SAE1: variants seen among roughly 807,000 people sequenced by gnomAD.
The protein encoded by SAE1 is SUMO1 activating enzyme subunit 1.
SAE1 carries 11 observed loss-of-function variants against 40.6 expected under a neutral mutation model. The ratio of observed to expected loss-of-function variants is 0.27; its 90% CI spans 0.17 to 0.45. The LOEUF is 0.45. SAE1 is among the 20% of genes least tolerant of loss of function. SAE1 has a pLI of 1.00. For missense variants in SAE1, 373 were observed against 427.3 expected (o/e 0.87, Z 1.12); for synonymous variants, 155 against 154.3 (o/e 1.00, Z -0.03).
At position 47,209,662 on chromosome 19, in the gene SAE1, C is replaced by T. The variant is rs189645634; in HGVS notation, c.*411C>T. 2.3e-5 allele frequency: 5 copies of T among 218,046 alleles called. No homozygotes were observed. The East Asian group carries it at 5.5e-4, about 24-fold the overall frequency. 13.5% of individuals were successfully genotyped at this position (218,046 alleles called of 1,614,324 possible). A position where few individuals can be genotyped will look rare whatever the true frequency, so the allele number is the denominator to read the frequency against. On this transcript the variant is annotated 3_prime_UTR_variant, in exon 9 of 9. Coordinates refer to ENST00000270225, the MANE Select transcript of SAE1 (RefSeq NM_005500.3). Reference sequence around the variant, plus strand: ...CTCTTGTCACCTTCTTGGACTTATTCCCCACCTGATACCTTATAGAGAAAA... The same window carrying T: ...CTCTTGTCACCTTCTTGGACTTATTTCCCACCTGATACCTTATAGAGAAAA...
intron 1 of SAE1, chr19:47,142,373 G>C (rs891150010): frequency 2.8e-5 from 4 of 145,120 alleles, no homozygotes; most frequent in African/African-American, 1.0e-4. Context: ...AACAGAGCGA[G>C]ACTCTGTCTT....
chr19:47,139,129 T>C (rs1472119127), intron 1 of SAE1, among the ~76,000 whole-genome samples: 1 of 152,124 alleles, frequency 6.6e-6, no homozygotes, highest in Non-Finnish European at 1.5e-5. Flanking sequence ...TTTTTGTATT[T>C]TGAGTAGAGA....
chr19:47,186,708 G>C (rs1050115623), intron 6 of SAE1, among the ~76,000 whole-genome samples: 1 of 152,134 alleles, frequency 6.6e-6, no homozygotes, highest in African/African-American at 2.4e-5. Context: ...TGCAAATAGC[G>C]AGGCACAGCT....
chr19:47,202,688 C>A (rs867566995), intron 7 of SAE1, among the ~76,000 whole-genome samples: 2 of 150,990 alleles, frequency 1.3e-5, no homozygotes, highest in Non-Finnish European at 3.0e-5. Context: ...CCGAGGCGGG[C>A]GGATCACGAG....
chr19:47,189,734 C>T (rs1465204598), intron 6 of SAE1, among the ~76,000 whole-genome samples: 1 of 152,100 alleles, frequency 6.6e-6, no homozygotes, highest in Non-Finnish European at 1.5e-5. Context: ...CACAATTGAA[C>T]TGTTTTTGGG....
intron 6 of SAE1, among the ~76,000 whole-genome samples, chr19:47,181,476 C>CTTTTTTTTTTTTTTTTTTTTTTT (rs202245801): frequency 1.0e-5 from 1 of 99,726 alleles, no homozygotes; most frequent in Non-Finnish European, 1.9e-5. Context: ...TTTTCTTTTC[C>CTTTTTTTTTTTTTTTTTTTTTTT]TTTTTTTTTT....
intron 1 of SAE1, among the ~76,000 whole-genome samples, chr19:47,132,789 G>C (rs547191201): frequency 6.6e-6 from 1 of 151,864 alleles, no homozygotes; most frequent in South Asian, 2.1e-4. Context: ...TCAGGAGACT[G>C]AGGTGGGAGC....
Position 47,162,256 on chromosome 19 carries a change from TATGCTCATA to T in SAE1, c.627+7046_627+7054del, listed in dbSNP as rs1246077465. ...ATTTTTCTATTTATAAGCATTTGGGTATGCTCATAATTTGCTGTTACAAATTGTGCTGCA... is the reference window on the plus strand; with the variant it reads ...ATTTTTCTATTTATAAGCATTTGGGTATTTGCTGTTACAAATTGTGCTGCA... On this transcript the variant is annotated intron_variant, in intron 5 of 8. Transcript: ENST00000270225. 4.6e-5 allele frequency among the ~76,000 whole-genome samples: 7 copies of T among 152,366 alleles called. No individual in the cohort carries two copies. The East Asian group carries it at 1.2e-3, about 25-fold the overall frequency.
intron 6 of SAE1, among the ~76,000 whole-genome samples, chr19:47,184,781 T>TTTTTGTTTTTG (rs1203942554): frequency 2.0e-5 from 3 of 148,628 alleles, no homozygotes; most frequent in African/African-American, 5.1e-5. Context: ...TGTGGGGTTT[T>TTTTTGTTTTTG]TTTTGTTTTT....
chr19:47,146,317 G>A (rs959083652), intron 2 of SAE1, among the ~76,000 whole-genome samples: 2 of 152,120 alleles, frequency 1.3e-5, no homozygotes, highest in African/African-American at 4.8e-5. Context: ...TTAGCTTTGG[G>A]CTTTATGTGT....
At chr19:47,150,134 A>G (rs897627267) in intron 2 of SAE1, 68 bp from the exon 3 acceptor site, 8 of 1,193,470 alleles carry the variant, frequency 6.7e-6, no homozygotes, top group African/African-American at 1.6e-5. Flanking sequence ...TTAAAATTTA[A>G]AGATTCTTTT....
At chr19:47,155,047 C>A (rs1277876365) in intron 4 of SAE1, 67 bp from the exon 5 acceptor site, 2 of 1,020,250 alleles carry the variant, frequency 2.0e-6, no homozygotes, top group African/African-American at 3.2e-5. Flanking sequence ...CCTGGAGAGG[C>A]TTTTTTTGAT....
intron 1 of SAE1, among the ~76,000 whole-genome samples, chr19:47,138,754 T>C (rs2058198295): frequency 6.6e-6 from 1 of 152,100 alleles, no homozygotes; most frequent in Non-Finnish European, 1.5e-5. Flanking sequence ...AGGCTGAGGT[T>C]GGAGGATCAC....
chr19:47,165,596 G>T (rs1041051866), intron 5 of SAE1, among the ~76,000 whole-genome samples: 1 of 152,200 alleles, frequency 6.6e-6, no homozygotes, highest in Non-Finnish European at 1.5e-5. Flanking sequence ...CACTGTGGGT[G>T]CCTCACCTGA....
At chr19:47,192,953 A>G (rs1432276672) in intron 6 of SAE1, among the ~76,000 whole-genome samples, 1 of 151,958 alleles carries the variant, frequency 6.6e-6, no homozygotes, top group Admixed American at 6.6e-5. Flanking sequence ...AGTTGCATTT[A>G]TTTACTACAA....
At chr19:47,184,102 G>A (rs185143810) in intron 6 of SAE1, among the ~76,000 whole-genome samples, 35 of 152,054 alleles carry the variant, frequency 2.3e-4, no homozygotes, top group African/African-American at 6.8e-4. Flanking sequence ...CTCTGGAATC[G>A]CCTGACATTT....
Position 47,195,682 on chromosome 19 carries a change from C to T in SAE1, c.734-1551C>T, listed in dbSNP as rs372654420. On this transcript the variant is annotated intron_variant, in intron 6 of 8. Transcript: ENST00000270225. Reference sequence around the variant, plus strand: ...CCCTTCCCCTTTCCCTTTCCCTTCCCCTTCCCCTTCGCTTCTTCCTTCCCT... The same window carrying T: ...CCCTTCCCCTTTCCCTTTCCCTTCCTCTTCCCCTTCGCTTCTTCCTTCCCT... Among the ~76,000 whole-genome samples, 103 of 151,850 alleles carry T rather than the reference C, an allele frequency of 6.8e-4. 1 individual carries two copies. Among genetic ancestry groups the T allele is most frequent in the African/African-American group, 2.3e-3 (96 of 41,422 alleles).
intron 6 of SAE1, among the ~76,000 whole-genome samples, chr19:47,189,809 A>G (rs1385398651): frequency 6.6e-6 from 1 of 152,184 alleles, no homozygotes; most frequent in African/African-American, 2.4e-5. Context: ...GTACTGGTTT[A>G]TTCGGTGGCC....
At position 47,177,296 on chromosome 19, in the gene SAE1, C is replaced by T. The variant is rs112622440; in HGVS notation, c.733+7373C>T. On this transcript the variant is annotated intron_variant, in intron 6 of 8. Coordinates refer to ENST00000270225, the MANE Select transcript of SAE1 (RefSeq NM_005500.3). Reference sequence around the variant, plus strand: ...TGAAAGACAAACAAATAATTCTACTCCTTGTGAGGACAGCTATAACAGAGG... The same window carrying T: ...TGAAAGACAAACAAATAATTCTACTTCTTGTGAGGACAGCTATAACAGAGG... 7.0e-3 allele frequency among the ~76,000 whole-genome samples: 1,071 copies of T among 152,318 alleles called. 10 individuals are homozygous for T. The highest frequency in any genetic ancestry group is 0.025 in the African/African-American group (1,035 of 41,576).
Sources: gnomAD v4.1 joint callset for allele counts (sites outside exome capture counted in the v4.1 genomes callset) on GRCh38, gnomAD v4.1.1 for gene constraint, MANE v1.5 for transcripts, NCBI Gene and HGNC (gene_info 2026-07-23, HGNC 2026-07-21) for gene names.